NDST4: variants seen among roughly 807,000 people sequenced by gnomAD.
NDST4 encodes the protein N-deacetylase and N-sulfotransferase 4.
NDST4 carries 63 observed loss-of-function variants against 100.8 expected under a neutral mutation model. The ratio of observed to expected loss-of-function variants is 0.62; its 90% CI spans 0.51 to 0.77. The LOEUF (loss-of-function observed/expected upper bound fraction) is 0.77, where lower values mean the gene tolerates loss of function less well. NDST4 is among the 30% of genes least tolerant of loss of function. The pLI is 0.00. For synonymous variants in NDST4, 377 were observed against 361.8 expected (o/e 1.04, Z -0.48); for missense variants, 943 against 1,018.4 (o/e 0.93, Z 1.01).
chr4:114,960,050 C>T (rs779143497), intron 4 of NDST4, among the ~76,000 whole-genome samples: 4 of 152,096 alleles, frequency 2.6e-5, no homozygotes, highest in Non-Finnish European at 4.4e-5. Flanking sequence ...AAGAACTCAT[C>T]ACATAGAAGT....
At chr4:115,033,356 T>C (rs1376117743) in intron 2 of NDST4, among the ~76,000 whole-genome samples, 1 of 151,386 alleles carries the variant, frequency 6.6e-6, no homozygotes, top group East Asian at 1.9e-4. Context: ...GCTCAAGTGA[T>C]CTGCCCACCT....
In NDST4 at chr4:114,924,954, C is replaced by T. The variant is rs561108594; in HGVS notation, c.1536+10252G>A. ...ATGCATTAAATTATCATATGCACCA[C>T]CCAAATATGTACATCTATTATGTAT... On this transcript the variant is annotated intron_variant, in intron 6 of 13. Transcript: ENST00000264363. Among the ~76,000 whole-genome samples the T allele has an allele frequency of 1.4e-4, 21 of 151,980 alleles. 2 individuals are homozygous for T. The South Asian group carries it at 4.2e-3, about 30-fold the overall frequency.
At chr4:114,833,570 T>A (rs373695668) in intron 12 of NDST4, 36 bp downstream of exon 12, 1 of 1,351,910 alleles carries the variant, frequency 7.4e-7, no homozygotes, top group South Asian at 1.2e-5. Flanking sequence ...TGATGGCAAA[T>A]AATGGAAATG....
chr4:114,942,955 A>C (rs895749215), intron 4 of NDST4, among the ~76,000 whole-genome samples: 1 of 149,360 alleles, frequency 6.7e-6, no homozygotes, highest in Non-Finnish European at 1.5e-5. Context: ...TGTTTATATC[A>C]GTTTGTTTTA....
intron 6 of NDST4, among the ~76,000 whole-genome samples, chr4:114,891,795 T>C (rs1481175923): frequency 1.3e-5 from 2 of 152,112 alleles, no homozygotes; most frequent in African/African-American, 2.4e-5. Context: ...TCAAAACTAT[T>C]TGAGGCCCTT....
At chr4:114,876,949 G>T (rs1314199507) in intron 6 of NDST4, among the ~76,000 whole-genome samples, 1 of 152,136 alleles carries the variant, frequency 6.6e-6, no homozygotes, top group Non-Finnish European at 1.5e-5. Flanking sequence ...GGTTTCAGGT[G>T]ACTGTCTGAG....
intron 4 of NDST4, among the ~76,000 whole-genome samples, chr4:114,939,803 AT>A (rs1416868149): frequency 6.6e-6 from 1 of 152,198 alleles, no homozygotes; most frequent in Non-Finnish European, 1.5e-5. Context: ...AGGTCATCTT[AT>A]CACACTGGCA....
chr4:115,109,612 T>C (rs1029804146), intron 1 of NDST4, among the ~76,000 whole-genome samples: 1 of 151,960 alleles, frequency 6.6e-6, no homozygotes, highest in African/African-American at 2.4e-5. Flanking sequence ...CTGAGTACAA[T>C]ATCAAATTAT....
At chr4:114,830,257 G>A (rs1189229856) in intron 12 of NDST4, among the ~76,000 whole-genome samples, 1 of 152,134 alleles carries the variant, frequency 6.6e-6, no homozygotes, top group Non-Finnish European at 1.5e-5. Flanking sequence ...ACTTATGGAT[G>A]TGATTTCAAA....
chr4:115,033,381 G>T (rs1728164504), intron 2 of NDST4, among the ~76,000 whole-genome samples: 3 of 151,430 alleles, frequency 2.0e-5, no homozygotes, highest in African/African-American at 7.3e-5. Context: ...CTCTCAAAGT[G>T]CTGGGATTAC....
At chr4:115,053,467 T>C (rs1728627382) in intron 2 of NDST4, among the ~76,000 whole-genome samples, 1 of 152,100 alleles carries the variant, frequency 6.6e-6, no homozygotes, top group Non-Finnish European at 1.5e-5. Flanking sequence ...TACTCCTGCA[T>C]ATATATCCTT....
chr4:115,062,348 C>T (rs906432440), intron 2 of NDST4, among the ~76,000 whole-genome samples: 2 of 151,892 alleles, frequency 1.3e-5, no homozygotes, highest in Admixed American at 1.3e-4. Context: ...GTAATTTTAA[C>T]ACATTTCAAA....
intron 7 of NDST4, among the ~76,000 whole-genome samples, chr4:114,862,343 T>C (rs1475030471): frequency 3.9e-5 from 6 of 152,166 alleles, no homozygotes; most frequent in Non-Finnish European, 8.8e-5. Flanking sequence ...ATCATATAAC[T>C]ATTTATAAAG....
intron 2 of NDST4, among the ~76,000 whole-genome samples, 198 bp from the exon 3 acceptor site, chr4:114,977,472 A>T (rs1443917098): frequency 6.6e-6 from 1 of 151,974 alleles, no homozygotes; most frequent in African/African-American, 2.4e-5. Flanking sequence ...TCACCATATT[A>T]TGAAACAGTT....
intron 11 of NDST4, among the ~76,000 whole-genome samples, chr4:114,834,987 G>A (rs1723279691): frequency 6.6e-6 from 1 of 151,958 alleles, no homozygotes; most frequent in Non-Finnish European, 1.5e-5. Context: ...GTGTCTATTC[G>A]ATTCTTCTCT....
intron 2 of NDST4, among the ~76,000 whole-genome samples, chr4:115,027,282 T>C (rs1728007208): frequency 6.6e-6 from 1 of 152,148 alleles, no homozygotes; most frequent in Non-Finnish European, 1.5e-5. Flanking sequence ...TCATACCGTC[T>C]GGGATGGAAG....
At chr4:115,074,533 A>G (rs1338166757) in intron 2 of NDST4, among the ~76,000 whole-genome samples, 1 of 152,040 alleles carries the variant, frequency 6.6e-6, no homozygotes, top group African/African-American at 2.4e-5. Context: ...AAAAAATGAG[A>G]AAAATCTGGA....
chr4:114,971,625 T>C (rs555003488), intron 3 of NDST4, among the ~76,000 whole-genome samples: 1 of 152,264 alleles, frequency 6.6e-6, no homozygotes, highest in South Asian at 2.1e-4. Context: ...GGTTGTATTA[T>C]TTGGTTTATT....
At chr4:114,889,612 A>T (rs1724551592) in intron 6 of NDST4, among the ~76,000 whole-genome samples, 1 of 152,226 alleles carries the variant, frequency 6.6e-6, no homozygotes, top group Non-Finnish European at 1.5e-5. Flanking sequence ...TCCTTATGGA[A>T]CTTTACAAAG....
Sources: allele counts gnomAD v4.1 joint callset (sites outside exome capture counted in the v4.1 genomes callset), GRCh38; gene constraint gnomAD v4.1.1; transcripts MANE v1.5; gene names NCBI Gene and HGNC (gene_info 2026-07-23, HGNC 2026-07-21).